GYS1: variants seen among roughly 807,000 people sequenced by gnomAD.
GYS1 encodes the protein glycogen [starch] synthase, muscle.
A neutral mutation model predicts 89.1 loss-of-function variants in GYS1; 60 were observed. The ratio of observed to expected loss-of-function variants is 0.67; its 90% CI spans 0.55 to 0.84. GYS1 has a LOEUF of 0.84. GYS1 is among the 40% of genes least tolerant of loss of function. GYS1 has a pLI of 0.00. For missense variants in GYS1, 888 were observed against 1,003.1 expected, an observed-to-expected ratio of 0.89 and a Z score of 1.55; for synonymous variants, 366 against 401.7, an observed-to-expected ratio of 0.91 and a Z score of 1.06.
rs533966879 is a variant in GYS1, at chr19:48,969,311, A to T, written c.2191T>A (p.Ser731Thr). The T allele has an allele frequency of 1.9e-6, 3 of 1,574,386 alleles. No individual in the cohort carries two copies. The highest frequency in any genetic ancestry group is 1.1e-5 in the South Asian group (1 of 87,120). The change falls in exon 16 of 16, where the codon TCC (serine) becomes ACC (threonine). Residue 731 changes from serine to threonine, a missense_variant. By Grantham distance (58) the Ser-to-Thr change is moderately conservative. Coordinates refer to ENST00000323798, the MANE Select transcript of GYS1 (RefSeq NM_002103.5). ...TPSEPLSPTS[S>T]LGEERN ...ACTTAGTTACGCTCCTCGCCCAGGG[A>T]GCTGGTGGGGCTGAGGGGCTCGCTC... is the stretch of plus-strand genomic sequence containing the variant.
At chr19:48,977,830 C>A in intron 10 of GYS1, 94 bp downstream of exon 10, 1 of 906,434 alleles carries the variant, frequency 1.1e-6, no homozygotes, top group East Asian at 2.4e-5. Context: ...GAAAGCAGGA[C>A]TCCCAGCAAT....
At chr19:48,986,510 T>C (rs1020737518) in intron 3 of GYS1, among the ~76,000 whole-genome samples, 4 of 143,066 alleles carry the variant, frequency 2.8e-5, no homozygotes, top group African/African-American at 1.1e-4. Context: ...TTTCTTTTTC[T>C]TTTTTTTTTT....
At chr19:48,970,399 C>G in intron 14 of GYS1, 147 bp downstream of exon 14, 1 of 711,344 alleles carries the variant, frequency 1.4e-6, no homozygotes, top group Non-Finnish European at 2.5e-6. Context: ...GGATTACAAC[C>G]ATGAGCCACC....
At chr19:48,974,370 G>T (rs776825811) in intron 11 of GYS1, 31 bp from the exon 12 acceptor site, 1 of 1,613,104 alleles carries the variant, frequency 6.2e-7, no homozygotes, top group African/African-American at 1.3e-5. Flanking sequence ...CTCAGCCCAA[G>T]TGCCTTATTT....
chr19:48,974,402 G>A (rs999210765), intron 11 of GYS1, 63 bp from the exon 12 acceptor site: 1 of 1,580,234 alleles, frequency 6.3e-7, no homozygotes, highest in African/African-American at 1.3e-5. Context: ...GAGATCCCAA[G>A]GTGGCCCAGA....
chr19:48,991,722 AAGG>A lies in GYS1; in HGVS notation c.119-242_119-240del. On this transcript the variant is annotated intron_variant, in intron 1 of 15. Transcript: ENST00000323798. The surrounding 1 kb of genome is among the most constrained non-coding windows in gnomAD (Gnocchi z 4.7). The stretch of plus-strand genomic sequence containing the variant: ...GAAGGGGGCTGGGGTCAGGACCCTG[AAGG>A]AGGAGGGGGCTCAGGCTAGACTTCT... Among the ~76,000 whole-genome samples the A allele has an allele frequency of 6.6e-6, 1 of 151,986 alleles. No homozygotes were observed. The highest frequency in any genetic ancestry group is 1.9e-4 in the East Asian group (1 of 5,182).
intron 8 of GYS1, among the ~76,000 whole-genome samples, chr19:48,979,336 CTT>C (rs777178030): frequency 2.2e-5 from 2 of 92,746 alleles, no homozygotes; most frequent in Non-Finnish European, 2.2e-5. Flanking sequence ...TTTTTCTTTT[CTT>C]TTTTTTTTTT....
chr19:48,971,090 C>G, intron 12 of GYS1, 67 bp from the exon 13 acceptor site: 4 of 1,058,286 alleles, frequency 3.8e-6, no homozygotes, highest in Non-Finnish European at 5.9e-6. Context: ...TCGCAATAGA[C>G]GCCTCAACAC....
Position 48,970,662 on chromosome 19 carries a change from A to C in GYS1, c.1693T>G (p.Ser565Ala). 1 of 1,613,986 alleles carries C rather than the reference A, an allele frequency of 6.2e-7. No homozygotes were observed. The highest frequency in any genetic ancestry group is 8.5e-7 in the Non-Finnish European group (1 of 1,179,986). ...CTGTAGAGGAAGGAGGTGAGCTGCG[A>C]GCAGGAATCATCCAGGCTGCGGAAC... ...RRFRSLDDSC[S>A]QLTSFLYSFC... Residue 565 changes from serine to alanine, a missense_variant, in exon 14 of 16, where the codon TCG becomes GCG. Ser to Ala is a moderately conservative substitution (Grantham distance 99). Coordinates refer to ENST00000323798, the MANE Select transcript of GYS1 (RefSeq NM_002103.5).
At chr19:48,984,998 G>A (rs890494563) in intron 5 of GYS1, among the ~76,000 whole-genome samples, 1 of 152,218 alleles carries the variant, frequency 6.6e-6, no homozygotes, top group Non-Finnish European at 1.5e-5. Context: ...CCTAAGCTAT[G>A]ATGTTCAGTA....
intron 8 of GYS1, among the ~76,000 whole-genome samples, chr19:48,980,985 A>G (rs916098901): frequency 3.2e-4 from 48 of 151,794 alleles, no homozygotes; most frequent in African/African-American, 1.1e-3. Context: ...GTGGTGGCAC[A>G]CCCCTGTAGT....
intron 5 of GYS1, among the ~76,000 whole-genome samples, chr19:48,983,055 C>T (rs1407511045): frequency 6.6e-6 from 1 of 152,156 alleles, no homozygotes; most frequent in African/African-American, 2.4e-5. Context: ...GGCACAATCA[C>T]AGCTCATTGC....
chr19:48,975,579 C>T (rs1043498814), intron 10 of GYS1, among the ~76,000 whole-genome samples: 1 of 151,982 alleles, frequency 6.6e-6, no homozygotes, highest in Non-Finnish European at 1.5e-5. Context: ...GGAGACTGTG[C>T]CAATATGGCA....
chr19:48,970,640 T>C lies in GYS1; in HGVS notation c.1715A>G (p.Tyr572Cys). 1.9e-6 allele frequency: 3 copies of C among 1,613,830 alleles called. No individual in the cohort carries two copies. The highest frequency in any genetic ancestry group is 3.3e-5 in the Admixed American group (2 of 59,998). The change falls in exon 14 of 16, where the codon TAC becomes TGC. Residue 572 changes from tyrosine to cysteine, a missense_variant. Coordinates refer to ENST00000323798, the MANE Select transcript of GYS1 (RefSeq NM_002103.5). The part of the protein sequence containing the change: ...DSCSQLTSFL[Y>C]SFCQQSRRQR... ...CCGCCGGCTCTGCTGACAGAAACTG[T>C]AGAGGAAGGAGGTGAGCTGCGAGCA...
At chr19:48,980,378 T>C (rs1489194305) in intron 8 of GYS1, among the ~76,000 whole-genome samples, 1 of 152,158 alleles carries the variant, frequency 6.6e-6, no homozygotes, top group African/African-American at 2.4e-5. Context: ...AGGGATCTTA[T>C]CTTTCTGGTT....
At chr19:48,989,809 G>A (rs1790848490) in intron 2 of GYS1, among the ~76,000 whole-genome samples, 1 of 152,154 alleles carries the variant, frequency 6.6e-6, no homozygotes. Context: ...TCTAAGACTT[G>A]CTGTCTCACT....
intron 10 of GYS1, 100 bp downstream of exon 10, chr19:48,977,824 G>A: frequency 2.3e-6 from 2 of 867,818 alleles, no homozygotes; most frequent in Non-Finnish European, 3.9e-6. Flanking sequence ...GCAGGAGAAA[G>A]CAGGACTCCC....
intron 10 of GYS1, among the ~76,000 whole-genome samples, chr19:48,975,709 C>G (rs948987451): frequency 6.6e-6 from 1 of 151,584 alleles, no homozygotes; most frequent in Non-Finnish European, 1.5e-5. Context: ...AGGAGGATGA[C>G]GAGGTCAGGA....
chr19:48,970,746 G>T, intron 13 of GYS1, 37 bp from the exon 14 acceptor site: 2 of 1,602,508 alleles, frequency 1.2e-6, no homozygotes, highest in African/African-American at 2.7e-5. Flanking sequence ...AAAACATCCT[G>T]GGGAGATCTT....
Sources: allele counts gnomAD v4.1 joint callset (sites outside exome capture counted in the v4.1 genomes callset), GRCh38; gene constraint gnomAD v4.1.1; non-coding constraint Gnocchi (gnomAD v3.1); transcripts MANE v1.5; gene names NCBI Gene and HGNC (gene_info 2026-07-23, HGNC 2026-07-21).